The following MYRFL variants were observed in gnomAD, a reference collection of about 807,000 sequenced individuals.
MYRFL encodes myelin regulatory factor-like protein.
MYRFL carries 88 observed loss-of-function variants against 109.4 expected under a neutral mutation model. The ratio of observed to expected loss-of-function variants is 0.80; its 90% CI spans 0.68 to 0.96. The LOEUF is 0.96. Ranked by LOEUF, MYRFL falls within the 40% of genes least tolerant of loss-of-function variation. The pLI is 0.00. For synonymous variants in MYRFL, 324 were observed against 320.9 expected (o/e 1.01, Z -0.10); for missense variants, 957 against 954.9 (o/e 1.00, Z -0.03).
intron 13 of MYRFL, among the ~76,000 whole-genome samples, chr12:69,912,554 G>A (rs1954603448): frequency 6.6e-6 from 1 of 152,104 alleles, no homozygotes. Context: ...GAATCATAGA[G>A]CATTTCTTTC....
intron 1 of MYRFL, among the ~76,000 whole-genome samples, chr12:69,849,078 G>T (rs1445048349): frequency 6.6e-6 from 1 of 151,598 alleles, no homozygotes; most frequent in African/African-American, 2.4e-5. Context: ...CACCATGTTT[G>T]CCAGGCTGGT....
At chr12:69,916,628 CG>C (rs1954736775) in intron 13 of MYRFL, among the ~76,000 whole-genome samples, 1 of 152,062 alleles carries the variant, frequency 6.6e-6, no homozygotes, top group African/African-American at 2.4e-5. Context: ...CAAAGCAAAA[CG>C]AATCTCTGAT....
At chr12:69,912,148 G>A (rs1592814286) in intron 13 of MYRFL, among the ~76,000 whole-genome samples, 1 of 152,180 alleles carries the variant, frequency 6.6e-6, no homozygotes, top group East Asian at 1.9e-4. Flanking sequence ...GAGCACAGTG[G>A]CAGAAGTTGA....
intron 1 of MYRFL, among the ~76,000 whole-genome samples, chr12:69,832,994 G>C (rs146606886): frequency 1.3e-5 from 2 of 149,192 alleles, no homozygotes; most frequent in African/African-American, 4.9e-5. Flanking sequence ...GTGTAATTAA[G>C]AATTCATTTG....
intron 1 of MYRFL, among the ~76,000 whole-genome samples, chr12:69,844,911 C>T (rs1026363896): frequency 6.6e-6 from 1 of 152,098 alleles, no homozygotes; most frequent in Admixed American, 6.5e-5. Context: ...GAATGACCCT[C>T]GAAAACATAA....
At chr12:69,870,227 ATTT>A (rs71094744) in intron 2 of MYRFL, among the ~76,000 whole-genome samples, 24 of 110,698 alleles carry the variant, frequency 2.2e-4, no homozygotes, top group East Asian at 5.1e-4. Flanking sequence ...CGTCTGGCTA[ATTT>A]TTTTTTTTTT....
At chr12:69,842,968 A>G (rs1023418318) in intron 1 of MYRFL, among the ~76,000 whole-genome samples, 1 of 152,208 alleles carries the variant, frequency 6.6e-6, no homozygotes, top group Admixed American at 6.5e-5. Flanking sequence ...ACACTAAGTA[A>G]ATGTGTAAGT....
intron 2 of MYRFL, among the ~76,000 whole-genome samples, chr12:69,870,534 T>G (rs148383573): frequency 4.1e-4 from 62 of 152,268 alleles, no homozygotes; most frequent in Admixed American, 2.0e-3. Flanking sequence ...ACATGACGAT[T>G]GTGAGTAAAA....
chr12:69,952,115 G>A lies in MYRFL; in HGVS notation c.2227G>A (p.Asp743Asn). ...TGACAGACTTGTTTCCTTTTCAGAAGACAAAAGCAAATCAGTTTTGGCAAG... is the reference window on the plus strand; with the variant it reads ...TGACAGACTTGTTTCCTTTTCAGAAAACAAAAGCAAATCAGTTTTGGCAAG... The part of the protein sequence containing the change: ...KEFHQRRWSE[D>N]KSKSVLARNA... Residue 743 changes from aspartate (D) to asparagine (N), a missense_variant and splice_region_variant, in exon 20 of 25, where the codon GAC becomes AAC. Physicochemically the swap from Asp to Asn is conservative, Grantham distance 23. Transcript: ENST00000552032. 6.5e-7 allele frequency: 1 copy of A among 1,536,064 alleles called. No homozygotes were observed. Among genetic ancestry groups the A allele is most frequent in the Non-Finnish European group, 8.7e-7 (1 of 1,146,850 alleles).
intron 2 of MYRFL, among the ~76,000 whole-genome samples, chr12:69,860,804 T>G (rs1884606062): frequency 1.3e-5 from 2 of 151,076 alleles, no homozygotes; most frequent in Admixed American, 1.3e-4. Flanking sequence ...GTTAGTTACA[T>G]ATGTATACAT....
chr12:69,835,651 A>G (rs1360898555), intron 1 of MYRFL, among the ~76,000 whole-genome samples: 1 of 151,968 alleles, frequency 6.6e-6, no homozygotes, highest in Admixed American at 6.5e-5. Context: ...TTTTTCTTCC[A>G]TTGTTGGATT....
chr12:69,909,624 C>T (rs940021726), intron 11 of MYRFL, among the ~76,000 whole-genome samples: 6 of 152,142 alleles, frequency 3.9e-5, no homozygotes, highest in Non-Finnish European at 8.8e-5. Flanking sequence ...GGATCAAACC[C>T]ATTTAGCTTT....
intron 5 of MYRFL, among the ~76,000 whole-genome samples, chr12:69,884,523 T>C (rs977113331): frequency 9.2e-5 from 14 of 152,184 alleles, no homozygotes; most frequent in Non-Finnish European, 2.9e-5. Context: ...TCCCTGTCAG[T>C]GTCTGGAGAA....
At chr12:69,853,647 A>C (rs1469264705) in intron 1 of MYRFL, among the ~76,000 whole-genome samples, 6 of 140,510 alleles carry the variant, frequency 4.3e-5, no homozygotes, top group African/African-American at 1.6e-4. Flanking sequence ...GGCTGGGCAG[A>C]GGGGCTCCTC....
intron 21 of MYRFL, 32 bp from the exon 22 acceptor site, chr12:69,955,331 G>T: frequency 3.3e-6 from 2 of 614,866 alleles, no homozygotes; most frequent in South Asian, 4.1e-5. Context: ...TGCATATTTT[G>T]ATTTGTGGTT....
intron 11 of MYRFL, among the ~76,000 whole-genome samples, chr12:69,905,942 A>G (rs1449079420): frequency 6.6e-6 from 1 of 152,112 alleles, no homozygotes; most frequent in Non-Finnish European, 1.5e-5. Context: ...TTAAAAAGAG[A>G]GCCTTTCTTT....
At position 69,904,476 on chromosome 12, in the gene MYRFL, C is replaced by A. The variant is rs191117435; in HGVS notation, c.1383+632C>A. The A allele has an allele frequency of 4.6e-5, 7 of 152,392 alleles. No homozygotes were observed. The East Asian group carries it at 1.3e-3, about 29-fold the overall frequency. The allele number at this position is 152,392 out of a possible 1,614,324, so 9.4% of individuals were successfully genotyped here. The stretch of plus-strand genomic sequence containing the variant: ...CAGGAGATGGCTTCTCCGCTTTGGG[C>A]TCTCCCCAGTTACGTGACCCTGGAT... On this transcript the variant is annotated intron_variant, in intron 11 of 24. Coordinates refer to ENST00000552032, the MANE Select transcript of MYRFL (RefSeq NM_182530.3).
At chr12:69,917,286 C>A (rs1463390390) in intron 13 of MYRFL, among the ~76,000 whole-genome samples, 1 of 152,078 alleles carries the variant, frequency 6.6e-6, no homozygotes, top group East Asian at 1.9e-4. Flanking sequence ...CTATCCACCC[C>A]CTCGGTTGGG....
intron 13 of MYRFL, among the ~76,000 whole-genome samples, chr12:69,911,315 C>T (rs1592812327): frequency 6.6e-6 from 1 of 152,106 alleles, no homozygotes; most frequent in East Asian, 1.9e-4. Flanking sequence ...ATGAAAAATG[C>T]ATTATATTTT....
Sources: allele counts gnomAD v4.1 joint callset (sites outside exome capture counted in the v4.1 genomes callset), GRCh38; gene constraint gnomAD v4.1.1; transcripts MANE v1.5; gene names NCBI Gene and HGNC (gene_info 2026-07-23, HGNC 2026-07-21).